SHISA9: variants seen among roughly 807,000 people sequenced by gnomAD.
SHISA9 encodes protein shisa-9.
SHISA9 carries 13 observed loss-of-function variants against 38.0 expected under a neutral mutation model. The observed-to-expected ratio is 0.34, with a 90% CI of 0.22 to 0.54. SHISA9 has a LOEUF of 0.54. SHISA9 is among the 20% of genes least tolerant of loss of function. The pLI, the probability that SHISA9 is intolerant of heterozygous loss-of-function variation, is 0.91. For synonymous variants in SHISA9, 275 were observed against 242.0 expected (o/e 1.14, Z -1.27); for missense variants, 538 against 575.8 (o/e 0.93, Z 0.67).
chr16:13,178,215 G>A (rs773630728), intron 2 of SHISA9, among the ~76,000 whole-genome samples: 5 of 152,104 alleles, frequency 3.3e-5, no homozygotes, highest in Non-Finnish European at 5.9e-5. Context: ...CAGCTACAAG[G>A]ATGGGTCAGG....
chr16:13,341,918 G>C, the SHISA9 span, among the ~76,000 whole-genome samples: 1 of 152,132 alleles, frequency 6.6e-6, no homozygotes, highest in African/African-American at 2.4e-5. Context: ...GACTGAACCA[G>C]AGCAACATCC....
chr16:13,287,186 C>T, the SHISA9 span, among the ~76,000 whole-genome samples: 1 of 152,188 alleles, frequency 6.6e-6, no homozygotes, highest in Admixed American at 6.5e-5. Flanking sequence ...CATAAGAACC[C>T]AATTAAATGT....
At chr16:13,285,181 C>A in the SHISA9 span, among the ~76,000 whole-genome samples, 1 of 152,112 alleles carries the variant, frequency 6.6e-6, no homozygotes, top group Admixed American at 6.6e-5. Context: ...ATTTCCTTAG[C>A]AGCCTGCTCT....
the SHISA9 span, among the ~76,000 whole-genome samples, chr16:13,505,796 C>A: frequency 6.6e-6 from 1 of 152,178 alleles, no homozygotes; most frequent in South Asian, 2.1e-4. Context: ...CTTAACAGAA[C>A]AAATCATGAC....
the SHISA9 span, chr16:13,458,617 C>A: frequency 5.2e-6 from 2 of 384,688 alleles, no homozygotes; most frequent in Non-Finnish European, 1.0e-5. Context: ...AGATTTGGAT[C>A]AAAGATACAA....
intron 2 of SHISA9, among the ~76,000 whole-genome samples, chr16:12,976,102 A>G (rs1216784730): frequency 6.6e-6 from 1 of 151,836 alleles, no homozygotes; most frequent in African/African-American, 2.4e-5. Context: ...TATTATTATT[A>G]TTTGAGACAG....
At chr16:13,394,585 G>C in the SHISA9 span, among the ~76,000 whole-genome samples, 8 of 151,812 alleles carry the variant, frequency 5.3e-5, no homozygotes, top group Non-Finnish European at 7.4e-5. Flanking sequence ...TGGCTTTCTC[G>C]TTCTCACTCT....
chr16:13,155,939 C>T (rs1210240334), intron 2 of SHISA9, among the ~76,000 whole-genome samples: 3 of 151,990 alleles, frequency 2.0e-5, no homozygotes, highest in African/African-American at 7.3e-5. Context: ...GAAAAAGAAA[C>T]TGTAAAAAAT....
chr16:13,203,723 A>C (rs2051030251), intron 3 of SHISA9, among the ~76,000 whole-genome samples, 174 bp downstream of exon 3: 1 of 151,970 alleles, frequency 6.6e-6, no homozygotes, highest in Non-Finnish European at 1.5e-5. Flanking sequence ...CTGTCTATAA[A>C]TATGTATATC....
the SHISA9 span, among the ~76,000 whole-genome samples, chr16:13,494,083 A>G: frequency 6.6e-6 from 1 of 152,236 alleles, no homozygotes; most frequent in Admixed American, 6.5e-5. Context: ...AAGCGGGAAG[A>G]AAGAAGGATA....
At chr16:13,299,645 G>A in the SHISA9 span, among the ~76,000 whole-genome samples, 12 of 151,760 alleles carry the variant, frequency 7.9e-5, no homozygotes, top group East Asian at 1.4e-3. Context: ...ACTGGGAGGC[G>A]GAGGTTGCAG....
chr16:13,357,673 GAGTC>G, the SHISA9 span, among the ~76,000 whole-genome samples: 4 of 152,184 alleles, frequency 2.6e-5, no homozygotes, highest in South Asian at 2.1e-4. Context: ...TCCAAAAAGA[GAGTC>G]AGCGAAGGGA....
intron 1 of SHISA9, among the ~76,000 whole-genome samples, chr16:12,913,685 C>T (rs1394227654): frequency 6.6e-6 from 1 of 152,298 alleles, no homozygotes; most frequent in African/African-American, 2.4e-5. Context: ...TCACTGTGTC[C>T]CCTGGCAACC....
chr16:13,070,321 G>A lies in SHISA9; in HGVS notation c.692-133073G>A, dbSNP rs866448645. 2.0e-5 allele frequency among the ~76,000 whole-genome samples: 3 copies of A among 151,762 alleles called. No homozygotes were observed. In the East Asian group the frequency reaches 5.8e-4, roughly 29 times the overall value. The stretch of plus-strand genomic sequence containing the variant: ...CCCTCTCTCTTTCTCTCCTCCTTCC[G>A]TATGCCCAGCACCCAGTCTCTGTGT... On this transcript the variant is annotated intron_variant, in intron 2 of 4. Coordinates refer to ENST00000558583, the MANE Select transcript of SHISA9 (RefSeq NM_001145204.3).
At chr16:12,968,060 C>T (rs2096043975) in intron 2 of SHISA9, among the ~76,000 whole-genome samples, 1 of 151,844 alleles carries the variant, frequency 6.6e-6, no homozygotes, top group South Asian at 2.1e-4. Flanking sequence ...TGTGGTGGCA[C>T]ATGCTTGTAA....
At chr16:13,384,268 A>G in the SHISA9 span, among the ~76,000 whole-genome samples, 1 of 152,176 alleles carries the variant, frequency 6.6e-6, no homozygotes, top group Non-Finnish European at 1.5e-5. Context: ...CTCTCCTGAT[A>G]TGGTTTCTCC....
chr16:13,509,959 G>A, the SHISA9 span, among the ~76,000 whole-genome samples: 1 of 152,208 alleles, frequency 6.6e-6, no homozygotes, highest in South Asian at 2.1e-4. Flanking sequence ...TTACAATGGT[G>A]GCTGGCACAC....
At chr16:12,920,566 G>A (rs1351640128) in intron 2 of SHISA9, among the ~76,000 whole-genome samples, 1 of 152,050 alleles carries the variant, frequency 6.6e-6, no homozygotes, top group Admixed American at 6.6e-5. Context: ...TCCATGATGT[G>A]CTTATTTCAC....
chr16:13,101,269 C>G (rs188503208), intron 2 of SHISA9, among the ~76,000 whole-genome samples: 20 of 152,080 alleles, frequency 1.3e-4, no homozygotes, highest in Admixed American at 1.3e-3. Flanking sequence ...TGTTCTCACA[C>G]GAAGAAACAA....
Sources: gnomAD v4.1 joint callset for allele counts (sites outside exome capture counted in the v4.1 genomes callset) on GRCh38, gnomAD v4.1.1 for gene constraint, MANE v1.5 for transcripts, NCBI Gene and HGNC (gene_info 2026-07-23, HGNC 2026-07-21) for gene names.